The following ZNF823 variants were observed in gnomAD, a reference collection of about 807,000 sequenced individuals.
ZNF823 encodes the protein ZFP 36 for a zinc finger protein.
Under a neutral mutation model 11.4 loss-of-function variants are expected in ZNF823, and 5 were observed. The observed-to-expected ratio is 0.44, with a 90% CI of 0.23 to 0.92. The LOEUF (loss-of-function observed/expected upper bound fraction) is 0.92, where lower values mean the gene tolerates loss of function less well. ZNF823 is among the 40% of genes least tolerant of loss of function. The pLI is 0.24. For missense variants in ZNF823, 582 were observed against 738.5 expected (o/e 0.79, Z 2.46); for synonymous variants, 234 against 250.5 (o/e 0.93, Z 0.62).
At position 11,726,287 on chromosome 19, in the gene ZNF823, C is replaced by CATATACATATATATATATATATAT. The variant is rs1555766612; in HGVS notation, c.4-961_4-960insATATATATATATATATATGTATAT. Reference sequence around the variant, plus strand: ...AGTAAAAAACAAAAAATAAAAAATACATATATATATATATATATATAAATT... The same window carrying CATATACATATATATATATATATAT: ...AGTAAAAAACAAAAAATAAAAAATACATATACATATATATATATATATATATATATATATATATATATATAAATT... On this transcript the variant is annotated intron_variant, in intron 1 of 3. Coordinates refer to ENST00000341191, the MANE Select transcript of ZNF823 (RefSeq NM_001080493.4). Among the ~76,000 whole-genome samples, 920 of 111,988 alleles carry CATATACATATATATATATATATAT rather than the reference C, an allele frequency of 8.2e-3. 25 individuals carry two copies. The highest frequency in any genetic ancestry group is 0.014 in the Middle Eastern group (3 of 212). The allele number at this position is 111,988 out of a possible 152,430, so 73.5% of individuals were successfully genotyped here.
chr19:11,731,022 A>C (rs1022830239), intron 1 of ZNF823, among the ~76,000 whole-genome samples: 3 of 150,384 alleles, frequency 2.0e-5, no homozygotes, highest in Non-Finnish European at 3.0e-5. Flanking sequence ...AAAAAAAAAA[A>C]CCGCCCGCAG....
chr19:11,723,317 C>T lies in ZNF823; in HGVS notation c.217G>A (p.Asp73Asn). Residue 73 changes from aspartate to asparagine, a missense_variant, in exon 4 of 4, where the codon GAC (aspartate) becomes AAC (asparagine). By Grantham distance (23) the Asp-to-Asn change is conservative. This residue lies in a region of ZNF823 where 429 missense variants were observed against 553.7 expected (regional missense o/e 0.77). Transcript: ENST00000341191. ...CCAAAAGTTTCTCCACATTGACTGT[C>T]ATCTTTAATTTCACATGTATGACTT... ...LRSHTCEIKDDSQCGETFGQI... is the reference protein window; with the variant it reads ...LRSHTCEIKDNSQCGETFGQI... 6.2e-7 allele frequency: 1 copy of T among 1,610,806 alleles called. No homozygotes were observed. Among genetic ancestry groups the T allele is most frequent in the Non-Finnish European group, 8.5e-7 (1 of 1,178,308 alleles).
rs528006233 is a variant in ZNF823 at position 11,728,778 on chromosome 19, T to C, written c.4-3451A>G. Among the ~76,000 whole-genome samples the C allele has an allele frequency of 7.2e-5, 11 of 152,238 alleles. No homozygotes were observed. The South Asian group carries it at 1.0e-3, about 14-fold the overall frequency. On this transcript the variant is annotated intron_variant, in intron 1 of 3. Coordinates refer to ENST00000341191, the MANE Select transcript of ZNF823 (RefSeq NM_001080493.4). ...AGTCAAGTATAAGAATAGAAAACAA[T>C]TGACATATGTACATATTAATCCAAT...
chr19:11,725,349 G>A, intron 1 of ZNF823, 22 bp from the exon 2 acceptor site: 2 of 1,612,384 alleles, frequency 1.2e-6, no homozygotes, highest in African/African-American at 1.3e-5. Flanking sequence ...CACATGTGCA[G>A]AGGAGGAAGG....
intron 1 of ZNF823, among the ~76,000 whole-genome samples, chr19:11,738,562 G>C (rs575937671): frequency 6.6e-6 from 1 of 152,236 alleles, no homozygotes; most frequent in Non-Finnish European, 1.5e-5. Context: ...CTGCGGGCGC[G>C]GAGCTGCCCA....
chr19:11,721,834 G>C lies in ZNF823; in HGVS notation c.1700C>G (p.Ser567Cys), dbSNP rs201368131. Residue 567 changes from serine (S) to cysteine (C), a missense_variant, in exon 4 of 4, where the codon TCC (serine) becomes TGC (cysteine). Physicochemically the swap from Ser to Cys is moderately radical, Grantham distance 112. Transcript: ENST00000341191. ...CLQCGKAFTR[S>C]RFLRGHEKTH... ...TTTTTCATGTCCTCGAAGGAAACGG[G>C]AACGAGTGAAGGCTTTACCACATTG... 66 of 1,611,794 alleles carry C rather than the reference G, an allele frequency of 4.1e-5. No homozygotes were observed. Among genetic ancestry groups the C allele is most frequent in the Non-Finnish European group, 5.5e-5 (65 of 1,179,412 alleles).
intron 1 of ZNF823, among the ~76,000 whole-genome samples, chr19:11,737,890 C>T (rs1457998256): frequency 2.0e-5 from 3 of 152,014 alleles, no homozygotes; most frequent in Non-Finnish European, 4.4e-5. Flanking sequence ...TTGGAAGACT[C>T]GGAGGGAAAC....
intron 2 of ZNF823, 88 bp downstream of exon 2, chr19:11,725,113 C>T: frequency 2.0e-6 from 3 of 1,521,274 alleles, no homozygotes; most frequent in Non-Finnish European, 1.8e-6. Flanking sequence ...ACCATATCCT[C>T]TTTCCATATT....
In ZNF823 at chr19:11,721,775, C is replaced by A; in HGVS notation, c.1759G>T (p.Glu587Ter). 1 of 1,614,160 alleles carries A rather than the reference C, an allele frequency of 6.2e-7. No homozygotes were observed. The highest frequency in any genetic ancestry group is 8.5e-7 in the Non-Finnish European group (1 of 1,180,008). ...HTGEKLYECK[E>*]CGKALSSLRS... is the part of the protein sequence containing the mutation. ...AGAGAACTCAATGCTTTCCCACATT[C>A]CTTACATTCATACAGCTTCTCTCCA... Residue 587 changes from glutamate to a stop codon, truncating the protein, a stop_gained, in exon 4 of 4, where the codon GAA becomes TAA. Transcript: ENST00000341191. LOFTEE classifies it low-confidence loss of function (END_TRUNC).
chr19:11,727,277 TA>T (rs1436532437), intron 1 of ZNF823, among the ~76,000 whole-genome samples: 2 of 151,806 alleles, frequency 1.3e-5, no homozygotes, highest in African/African-American at 4.8e-5. Context: ...TCGGGAGGCC[TA>T]GGGGGGCGGA....
chr19:11,727,931 AG>A lies in ZNF823; in HGVS notation c.4-2605del, dbSNP rs1974821926. ...AGACGGGAGTCTCGCTCTGTAGCCC[AG>A]GCTGGAGTTCAGTGTCTCGCTGCAA... On this transcript the variant is annotated intron_variant, in intron 1 of 3. Transcript: ENST00000341191. Among the ~76,000 whole-genome samples, 3 of 128,148 alleles carry A rather than the reference AG, an allele frequency of 2.3e-5. No individual in the cohort carries two copies. The Admixed American group carries it at 2.4e-4, about 10-fold the overall frequency. The allele number at this position is 128,148 out of a possible 152,430, so 84.1% of individuals were successfully genotyped here.
chr19:11,729,174 C>CAA (rs61651737), intron 1 of ZNF823, among the ~76,000 whole-genome samples: 63 of 131,234 alleles, frequency 4.8e-4, no homozygotes, highest in Middle Eastern at 3.9e-3. Flanking sequence ...GACTCTGTCT[C>CAA]AAAAAAAAAA....
At chr19:11,738,766 G>A (rs1975042646) in intron 1 of ZNF823, 51 bp downstream of exon 1, 4 of 1,591,022 alleles carry the variant, frequency 2.5e-6, no homozygotes, top group Non-Finnish European at 3.4e-6. Context: ...GTTCCGGCCG[G>A]TTCCAACCTG....
chr19:11,738,723 G>T, intron 1 of ZNF823, 94 bp downstream of exon 1: 1 of 1,457,900 alleles, frequency 6.9e-7, no homozygotes, highest in Non-Finnish European at 9.1e-7. Flanking sequence ...CCCCGGAGTC[G>T]CCCAGGGCGA....
In ZNF823 at chr19:11,722,811, G is replaced by C. The variant is rs1184165566; in HGVS notation, c.723C>G (p.Ile241Met). The part of the protein sequence containing the change: ...FYSSYLRHER[I>M]HTGEKAYECK... The stretch of plus-strand genomic sequence containing the variant: ...ATTCATACGCTTTCTCTCCCGTGTG[G>C]ATTCTTTCATGTCTTAGATAGGAAC... The change falls in exon 4 of 4, where the codon ATC becomes ATG. Residue 241 changes from isoleucine to methionine, a missense_variant. Transcript: ENST00000341191. This position sits in a 1 kb window ranked among gnomAD's most constrained non-coding sequence, Gnocchi z 5.2. 51 of 1,613,544 alleles carry C rather than the reference G, an allele frequency of 3.2e-5. No individual in the cohort carries two copies. Among genetic ancestry groups the C allele is most frequent in the Non-Finnish European group, 4.0e-5 (47 of 1,179,952 alleles).
intron 1 of ZNF823, among the ~76,000 whole-genome samples, chr19:11,729,847 G>T (rs968868869): frequency 1.3e-5 from 2 of 151,978 alleles, no homozygotes; most frequent in African/African-American, 4.8e-5. Flanking sequence ...TACAAGTTAC[G>T]TTTGGAAGGC....
In ZNF823 at chr19:11,723,292, C is replaced by A. The variant is rs1265177733; in HGVS notation, c.242G>T (p.Gly81Val). The part of the protein sequence containing the change: ...KDDSQCGETF[G>V]QIPDSIVNKN... ...GTTCACAATACTATCTGGAATCTGG[C>A]CAAAAGTTTCTCCACATTGACTGTC... Residue 81 changes from glycine to valine, a missense_variant, in exon 4 of 4, where the codon GGC becomes GTC. Coordinates refer to ENST00000341191, the MANE Select transcript of ZNF823 (RefSeq NM_001080493.4). 6.2e-7 allele frequency: 1 copy of A among 1,613,418 alleles called. No homozygotes were observed. The highest frequency in any genetic ancestry group is 1.3e-5 in the African/African-American group (1 of 74,906).
intron 1 of ZNF823, among the ~76,000 whole-genome samples, chr19:11,735,274 C>CAAAAA (rs1386385553): frequency 5.4e-5 from 3 of 55,826 alleles, no homozygotes; most frequent in African/African-American, 2.0e-4. Context: ...GACTCCATTT[C>CAAAAA]AAAAAACAAA....
At chr19:11,738,264 C>G (rs1209501743) in intron 1 of ZNF823, among the ~76,000 whole-genome samples, 1 of 152,188 alleles carries the variant, frequency 6.6e-6, no homozygotes, top group African/African-American at 2.4e-5. Context: ...CTGGCGCCAA[C>G]CAGGCTGAAG....
Sources: gnomAD v4.1 joint callset for allele counts (sites outside exome capture counted in the v4.1 genomes callset) on GRCh38, gnomAD v4.1.1 for gene constraint, gnomAD v4.1.1 regional missense constraint, Gnocchi (gnomAD v3.1) non-coding constraint, MANE v1.5 for transcripts, NCBI Gene and HGNC (gene_info 2026-07-23, HGNC 2026-07-21) for gene names.